RIMBP2: variants seen among roughly 807,000 people sequenced by gnomAD.
RIMBP2 encodes RIMS binding protein 2.
RIMBP2 carries 48 observed loss-of-function variants against 118.6 expected under a neutral mutation model. The observed-to-expected ratio is 0.40, with a 90% CI of 0.32 to 0.51. The LOEUF (loss-of-function observed/expected upper bound fraction) is 0.51, where lower values mean the gene tolerates loss of function less well. Ranked by LOEUF, RIMBP2 falls within the 20% of genes least tolerant of loss-of-function variation. The pLI is 0.41. For synonymous variants in RIMBP2, 762 were observed against 742.9 expected (o/e 1.03, Z -0.42); for missense variants, 1,551 against 1,768.3 (o/e 0.88, Z 2.20).
At chr12:130,676,290 A>T (rs1334686757) in intron 1 of RIMBP2, among the ~76,000 whole-genome samples, 1 of 150,830 alleles carries the variant, frequency 6.6e-6, no homozygotes, top group African/African-American at 2.4e-5. Flanking sequence ...TGGAAAAAAA[A>T]TCCAAATGTC....
intron 20 of RIMBP2, among the ~76,000 whole-genome samples, chr12:130,407,412 T>C (rs1457616953): frequency 6.6e-6 from 1 of 152,134 alleles, no homozygotes; most frequent in Non-Finnish European, 1.5e-5. Context: ...CTTTTATTTC[T>C]CTCCTAAAGA....
At position 130,511,904 on chromosome 12, in the gene RIMBP2, C is replaced by T. The variant is rs1340242345; in HGVS notation, c.-126-5134G>A. ...TGGCTCCTTCTCCAGGCAGCTGCCT[C>T]TGGCCAGGGTCACCACCTCTGGGCT... On this transcript the variant is annotated intron_variant, in intron 3 of 22. Transcript: ENST00000690449. This position sits in a 1 kb window ranked among gnomAD's most constrained non-coding sequence, Gnocchi z 4.3. 2.0e-5 allele frequency among the ~76,000 whole-genome samples: 3 copies of T among 152,234 alleles called. No individual in the cohort carries two copies. The East Asian group carries it at 5.8e-4, about 30-fold the overall frequency.
intron 2 of RIMBP2, among the ~76,000 whole-genome samples, chr12:130,563,966 T>TA (rs2057014807): frequency 6.6e-6 from 1 of 151,420 alleles, no homozygotes; most frequent in African/African-American, 2.4e-5. Flanking sequence ...TGCTACATTT[T>TA]CCCCTCGCTC....
At chr12:130,417,030 A>AT (rs1210739112) in intron 17 of RIMBP2, among the ~76,000 whole-genome samples, 1 of 152,206 alleles carries the variant, frequency 6.6e-6, no homozygotes, top group African/African-American at 2.4e-5. Flanking sequence ...CCAAGACAAA[A>AT]TCACAATGAG....
At chr12:130,680,431 A>G (rs935694637) in intron 1 of RIMBP2, among the ~76,000 whole-genome samples, 2 of 152,190 alleles carry the variant, frequency 1.3e-5, no homozygotes, top group Non-Finnish European at 2.9e-5. Flanking sequence ...GTTCAGTGAG[A>G]AAAGCAGGGC....
intron 1 of RIMBP2, among the ~76,000 whole-genome samples, chr12:130,698,044 G>A (rs190165942): frequency 2.6e-5 from 4 of 152,294 alleles, no homozygotes; most frequent in Admixed American, 2.0e-4. Flanking sequence ...GGGACAGCCT[G>A]GAGAAGAGGA....
chr12:130,634,884 C>G (rs1361103595), intron 1 of RIMBP2, among the ~76,000 whole-genome samples: 1 of 152,190 alleles, frequency 6.6e-6, no homozygotes, highest in Non-Finnish European at 1.5e-5. Flanking sequence ...CAGGCCTGAG[C>G]CACCACACCC....
chr12:130,679,329 T>C (rs2136531274), intron 1 of RIMBP2, among the ~76,000 whole-genome samples: 1 of 152,344 alleles, frequency 6.6e-6, no homozygotes, highest in African/African-American at 2.4e-5. Flanking sequence ...ACTGGCCCCA[T>C]GCATTTGTGT....
chr12:130,410,149 T>A (rs756820782), intron 19 of RIMBP2, among the ~76,000 whole-genome samples: 7 of 152,246 alleles, frequency 4.6e-5, no homozygotes, highest in African/African-American at 9.6e-5. Context: ...ATGTTAAAGA[T>A]CTTTTCATGT....
Position 130,424,107 on chromosome 12 carries a change from C to CA in RIMBP2, c.3129+34dup. On this transcript the variant is annotated intron_variant, in intron 16 of 22. Coordinates refer to ENST00000690449, the MANE Select transcript of RIMBP2 (RefSeq NM_001393629.1). This position sits in a 1 kb window ranked among gnomAD's most constrained non-coding sequence, Gnocchi z 9.8. ...GAAAGGATGGGACAGATTGGTTTGG[C>CA]AAGCGGCTGTGAAAAGGAAGTTTAG... The CA allele has an allele frequency of 3.5e-6, 4 of 1,139,136 alleles. No individual in the cohort carries two copies. The highest frequency in any genetic ancestry group is 4.4e-6 in the Non-Finnish European group (4 of 903,160). 70.6% of individuals were successfully genotyped at this position (1,139,136 alleles called of 1,614,324 possible).
intron 2 of RIMBP2, among the ~76,000 whole-genome samples, chr12:130,595,287 G>A (rs368140530): frequency 1.2e-4 from 18 of 152,272 alleles, no homozygotes; most frequent in East Asian, 7.7e-4. Flanking sequence ...GGCCGGGCGC[G>A]GTGGCTCACG....
At position 130,481,437 on chromosome 12, in the gene RIMBP2, G is replaced by A. The variant is rs114534544; in HGVS notation, c.-3-2421C>T. ...TCCTCCCGGCCCGTGTTTCAGGCAC[G>A]GCAACCTCACGTGCTGGTTCATCTA... On this transcript the variant is annotated intron_variant, in intron 4 of 22. Coordinates refer to ENST00000690449, the MANE Select transcript of RIMBP2 (RefSeq NM_001393629.1). 2.7e-3 allele frequency among the ~76,000 whole-genome samples: 407 copies of A among 152,154 alleles called. 1 individual carries two copies. Among genetic ancestry groups the A allele is most frequent in the African/African-American group, 9.4e-3 (388 of 41,488 alleles).
chr12:130,504,233 C>T (rs1246635507), intron 4 of RIMBP2, among the ~76,000 whole-genome samples: 1 of 152,190 alleles, frequency 6.6e-6, no homozygotes, highest in South Asian at 2.1e-4. Flanking sequence ...CCAGGCTCTT[C>T]ACCAGGCTGG....
intron 1 of RIMBP2, among the ~76,000 whole-genome samples, chr12:130,636,088 A>G (rs1457159217): frequency 6.6e-6 from 1 of 152,128 alleles, no homozygotes; most frequent in African/African-American, 2.4e-5. Flanking sequence ...CTTTATGATG[A>G]ACTACTCCTT....
At chr12:130,689,137 G>A (rs1240399785) in intron 1 of RIMBP2, among the ~76,000 whole-genome samples, 2 of 152,196 alleles carry the variant, frequency 1.3e-5, no homozygotes, top group Non-Finnish European at 2.9e-5. Context: ...CAACACAGCT[G>A]CACCAAACAT....
intron 12 of RIMBP2, 30 bp downstream of exon 12, chr12:130,438,335 A>AGCCACCC: frequency 2.3e-6 from 2 of 865,014 alleles, no homozygotes; most frequent in Non-Finnish European, 3.8e-6. Flanking sequence ...GGCCTAACAA[A>AGCCACCC]CCCTCCCCAC....
intron 1 of RIMBP2, among the ~76,000 whole-genome samples, chr12:130,646,570 C>T (rs2062986161): frequency 1.3e-5 from 2 of 152,158 alleles, no homozygotes; most frequent in African/African-American, 2.4e-5. Flanking sequence ...TTTCTTGCCC[C>T]AATCCAAGGT....
At chr12:130,644,859 G>C (rs1268900290) in intron 1 of RIMBP2, among the ~76,000 whole-genome samples, 1 of 152,208 alleles carries the variant, frequency 6.6e-6, no homozygotes, top group Non-Finnish European at 1.5e-5. Flanking sequence ...CATGCTGACT[G>C]ACTTCAAGGG....
At position 130,422,616 on chromosome 12, in the gene RIMBP2, A is replaced by T; in HGVS notation, c.3130-55T>A. On this transcript the variant is annotated intron_variant, in intron 16 of 22. Coordinates refer to ENST00000690449, the MANE Select transcript of RIMBP2 (RefSeq NM_001393629.1). The surrounding 1 kb of genome is among the most constrained non-coding windows in gnomAD (Gnocchi z 5.2). ...GTCTCGCCAGCATTGGGAACTGAAG[A>T]ATTCAGTTAGCCAAATCAAGCGGGT... 3.2e-6 allele frequency: 4 copies of T among 1,267,596 alleles called. No homozygotes were observed. Among genetic ancestry groups the T allele is most frequent in the Non-Finnish European group, 4.5e-6 (4 of 891,964 alleles). 78.5% of individuals were successfully genotyped at this position (1,267,596 alleles called of 1,614,324 possible).
Sources: allele counts gnomAD v4.1 joint callset (sites outside exome capture counted in the v4.1 genomes callset), GRCh38; gene constraint gnomAD v4.1.1; non-coding constraint Gnocchi (gnomAD v3.1); transcripts MANE v1.5; gene names NCBI Gene and HGNC (gene_info 2026-07-23, HGNC 2026-07-21).